The following GULP1 variants were observed in gnomAD, a reference collection of about 807,000 sequenced individuals.
GULP1 encodes PTB domain-containing engulfment adapter protein 1.
A neutral mutation model predicts 40.9 loss-of-function variants in GULP1; 19 were observed. The observed-to-expected ratio is 0.46, with a 90% CI of 0.32 to 0.68. The LOEUF is 0.68. Among genes scored for constraint, GULP1 ranks in the 30% least tolerant of loss-of-function variants. The pLI is 0.03. For synonymous variants in GULP1, 119 were observed against 117.6 expected (o/e 1.01, Z -0.08); for missense variants, 312 against 362.2 (o/e 0.86, Z 1.12).
In GULP1 at chr2:188,374,790, G is replaced by C. The variant is rs369675525; in HGVS notation, c.-171-8973G>C. The stretch of plus-strand genomic sequence containing the variant: ...AAAAAAAGTCTGCAAAGGAAATTCA[G>C]GGTGCTATTACCAGAATATTTTGGT... On this transcript the variant is annotated intron_variant, in intron 1 of 11. Coordinates refer to ENST00000409830, the MANE Select transcript of GULP1 (RefSeq NM_016315.4). Among the ~76,000 whole-genome samples, 61 of 152,034 alleles carry C rather than the reference G, an allele frequency of 4.0e-4. No individual in the cohort carries two copies. In the East Asian group the frequency reaches 0.011, roughly 27 times the overall value.
At chr2:188,582,269 T>A in intron 9 of GULP1, 1 of 417,068 alleles carries the variant, frequency 2.4e-6, no homozygotes, top group Non-Finnish European at 5.0e-6. Flanking sequence ...ACAAATAAAT[T>A]TCAAGTATAC....
At chr2:188,566,683 C>T (rs1697765001) in intron 7 of GULP1, among the ~76,000 whole-genome samples, 1 of 149,770 alleles carries the variant, frequency 6.7e-6, no homozygotes, top group South Asian at 2.1e-4. Flanking sequence ...GTAGTCCCAG[C>T]TACTCAGGAA....
At chr2:188,535,768 C>T (rs1299149746) in intron 6 of GULP1, among the ~76,000 whole-genome samples, 8 of 152,174 alleles carry the variant, frequency 5.3e-5, no homozygotes, top group Non-Finnish European at 8.8e-5. Flanking sequence ...TGGGAAATCT[C>T]CAAACTTCTC....
Position 188,595,731 on chromosome 2 carries a change from TTAAGA to T in GULP1, c.*1723_*1727del, listed in dbSNP as rs1287241127. 1 of 152,176 alleles carries T rather than the reference TTAAGA, an allele frequency of 6.6e-6. No homozygotes were observed. Among genetic ancestry groups the T allele is most frequent in the Non-Finnish European group, 1.5e-5 (1 of 67,754 alleles). The allele number at this position is 152,176 out of a possible 1,614,324, so 9.4% of individuals were successfully genotyped here. A position where few individuals can be genotyped will look rare whatever the true frequency, so the allele number is the denominator to read the frequency against. ...GAGTACTAAGATGGTATTTGCACAT[TTAAGA>T]TATGTTACTTTACCAATTTTTAATG... is the stretch of plus-strand genomic sequence containing the variant. On this transcript the variant is annotated 3_prime_UTR_variant, in exon 12 of 12. Coordinates refer to ENST00000409830, the MANE Select transcript of GULP1 (RefSeq NM_016315.4).
intron 1 of GULP1, among the ~76,000 whole-genome samples, chr2:188,365,592 G>A (rs1184593929): frequency 1.3e-5 from 2 of 152,174 alleles, no homozygotes; most frequent in Non-Finnish European, 2.9e-5. Context: ...TTTGGATCTT[G>A]TTGCAAGTCT....
chr2:188,480,340 A>C (rs906306885), intron 3 of GULP1, among the ~76,000 whole-genome samples: 2 of 151,980 alleles, frequency 1.3e-5, no homozygotes, highest in Admixed American at 6.6e-5. Context: ...GTAAAAGCTT[A>C]TCTCTTTATT....
At chr2:188,480,218 A>G (rs1403682106) in intron 3 of GULP1, among the ~76,000 whole-genome samples, 1 of 152,098 alleles carries the variant, frequency 6.6e-6, no homozygotes, top group Non-Finnish European at 1.5e-5. Context: ...AGCTGGAGCC[A>G]TAAGCTATAA....
chr2:188,319,661 CCTTTTT>C (rs1444557370), intron 1 of GULP1, among the ~76,000 whole-genome samples: 1 of 151,996 alleles, frequency 6.6e-6, no homozygotes, highest in East Asian at 1.9e-4. Context: ...AAATAGCAAC[CCTTTTT>C]CTTTTATGGT....
intron 1 of GULP1, among the ~76,000 whole-genome samples, chr2:188,321,260 A>G (rs1363842402): frequency 6.6e-6 from 1 of 152,140 alleles, no homozygotes; most frequent in Admixed American, 6.6e-5. Flanking sequence ...CAACACACCA[A>G]TCTTTATATC....
At chr2:188,583,606 C>A (rs1030224692) in intron 9 of GULP1, among the ~76,000 whole-genome samples, 1 of 152,092 alleles carries the variant, frequency 6.6e-6, no homozygotes, top group East Asian at 1.9e-4. Flanking sequence ...CTGGCCCAGA[C>A]TGTATCAGAA....
At chr2:188,535,988 GTCT>G (rs1688849844) in intron 6 of GULP1, among the ~76,000 whole-genome samples, 1 of 151,930 alleles carries the variant, frequency 6.6e-6, no homozygotes, top group Non-Finnish European at 1.5e-5. Flanking sequence ...CAGCTTGTTT[GTCT>G]TCTTTAGAGA....
At chr2:188,373,474 TA>T (rs564086168) in intron 1 of GULP1, among the ~76,000 whole-genome samples, 1 of 152,036 alleles carries the variant, frequency 6.6e-6, no homozygotes, top group Non-Finnish European at 1.5e-5. Flanking sequence ...TGATATATCT[TA>T]AGTTTCTTAT....
At chr2:188,545,536 A>G (rs1373062522) in intron 7 of GULP1, among the ~76,000 whole-genome samples, 2 of 151,926 alleles carry the variant, frequency 1.3e-5, no homozygotes, top group Non-Finnish European at 2.9e-5. Flanking sequence ...ATGATAAGTT[A>G]TATAGATAAA....
At chr2:188,375,007 TGTTCG>T (rs2048117109) in intron 1 of GULP1, among the ~76,000 whole-genome samples, 1 of 152,134 alleles carries the variant, frequency 6.6e-6, no homozygotes, top group African/African-American at 2.4e-5. Context: ...ATATTGAAAA[TGTTCG>T]ATTGCTGAAG....
intron 6 of GULP1, among the ~76,000 whole-genome samples, chr2:188,535,269 A>G (rs1017060840): frequency 6.6e-6 from 1 of 152,056 alleles, no homozygotes; most frequent in Non-Finnish European, 1.5e-5. Flanking sequence ...GAGGTTTGGC[A>G]TATGAATGAT....
chr2:188,386,615 T>C (rs778320156), intron 2 of GULP1, among the ~76,000 whole-genome samples: 21 of 152,168 alleles, frequency 1.4e-4, no homozygotes, highest in Non-Finnish European at 2.5e-4. Flanking sequence ...TAAATTGATA[T>C]GTACATCACT....
chr2:188,293,684 G>T (rs575459867), intron 1 of GULP1: 1 of 152,344 alleles, frequency 6.6e-6, no homozygotes, highest in Non-Finnish European at 1.5e-5. Flanking sequence ...TACAGGCTTT[G>T]CTGGAAACAG....
At chr2:188,328,120 T>G (rs1228791344) in intron 1 of GULP1, among the ~76,000 whole-genome samples, 2 of 152,048 alleles carry the variant, frequency 1.3e-5, no homozygotes, top group African/African-American at 4.8e-5. Context: ...TGGAGAGCAA[T>G]CATAATAACA....
rs558991402 is a variant in GULP1 at position 188,501,176 on chromosome 2, C to T, written c.90+17684C>T. On this transcript the variant is annotated intron_variant, in intron 4 of 11. Transcript: ENST00000409830. ...CAAATCTCTTGTGAAATTATAGTCC[C>T]CACGTATCAAGGGAGGGACCCGGTG... Among the ~76,000 whole-genome samples, 8 of 151,888 alleles carry T rather than the reference C, an allele frequency of 5.3e-5. No individual in the cohort carries two copies. The South Asian group carries it at 1.7e-3, about 32-fold the overall frequency.
Sources: gnomAD v4.1 joint callset for allele counts (sites outside exome capture counted in the v4.1 genomes callset) on GRCh38, gnomAD v4.1.1 for gene constraint, MANE v1.5 for transcripts, NCBI Gene and HGNC (gene_info 2026-07-23, HGNC 2026-07-21) for gene names.